SKIC2: variants seen among roughly 807,000 people sequenced by gnomAD.
SKIC2 encodes SKI2 subunit of superkiller complex, also known as superkiller complex protein 2.
At chr6:31,959,222 G>A in the SKIC2 span, 1 of 1,608,844 alleles carries the variant, frequency 6.2e-7, no homozygotes, top group Non-Finnish European at 8.5e-7. Context: ...TTGGTGAGGG[G>A]GAGGGGAGGG....
chr6:31,967,966 C>T, the SKIC2 span: 2 of 1,612,958 alleles, frequency 1.2e-6, no homozygotes, highest in African/African-American at 1.3e-5. The surrounding 1 kb of genome is among the most constrained non-coding windows in gnomAD (Gnocchi z 4.9). Flanking sequence ...GGCCTTGTGA[C>T]CACACCGTGG....
chr6:31,968,572 G>T, the SKIC2 span: 11 of 1,587,372 alleles, frequency 6.9e-6, no homozygotes, highest in Admixed American at 5.0e-5. The surrounding 1 kb of genome is among the most constrained non-coding windows in gnomAD (Gnocchi z 6.1). Context: ...CAAGCTGGGA[G>T]TAGGGGCTTT....
At chr6:31,963,017 GCTA>G in the SKIC2 span, 1 of 1,612,656 alleles carries the variant, frequency 6.2e-7, no homozygotes, top group Admixed American at 1.7e-5. The surrounding 1 kb of genome is among the most constrained non-coding windows in gnomAD (Gnocchi z 5.3). Flanking sequence ...TGCTTATCAT[GCTA>G]CCTGACCACG....
chr6:31,963,087 AT>A, the SKIC2 span: 1 of 1,608,136 alleles, frequency 6.2e-7, no homozygotes, highest in South Asian at 1.1e-5. This position sits in a 1 kb window ranked among gnomAD's most constrained non-coding sequence, Gnocchi z 5.3. Context: ...TGCTGACTGG[AT>A]TGGGTGAGAC....
At chr6:31,960,408 TG>T in the SKIC2 span, 2 of 1,602,084 alleles carry the variant, frequency 1.2e-6, no homozygotes, top group Non-Finnish European at 1.7e-6. Flanking sequence ...TCAGCCTCAT[TG>T]GGGCTCTGAT....
the SKIC2 span, chr6:31,959,273 C>T: frequency 1.2e-6 from 2 of 1,607,982 alleles, no homozygotes; most frequent in African/African-American, 2.7e-5. Context: ...ACTTTGACCC[C>T]TGACTTTTGA....
the SKIC2 span, chr6:31,961,865 C>A: frequency 6.2e-7 from 1 of 1,607,396 alleles, no homozygotes; most frequent in Non-Finnish European, 8.5e-7. Context: ...GGCAGCAAGG[C>A]CCCGCTCCTT....
chr6:31,966,954 G>A, the SKIC2 span: 1 of 1,613,330 alleles, frequency 6.2e-7, no homozygotes. This position sits in a 1 kb window ranked among gnomAD's most constrained non-coding sequence, Gnocchi z 5.9. Context: ...GAGTGTGACA[G>A]ATTGGGCCTG....
the SKIC2 span, chr6:31,968,999 G>A: frequency 8.7e-6 from 14 of 1,612,942 alleles, no homozygotes; most frequent in Non-Finnish European, 1.2e-5. The surrounding 1 kb of genome is among the most constrained non-coding windows in gnomAD (Gnocchi z 6.1). Flanking sequence ...TGAGCACCCT[G>A]CGGCCTGAGG....
chr6:31,968,330 A>G, the SKIC2 span: 1 of 1,612,220 alleles, frequency 6.2e-7, no homozygotes, highest in Non-Finnish European at 8.5e-7. The surrounding 1 kb of genome is among the most constrained non-coding windows in gnomAD (Gnocchi z 6.1). Flanking sequence ...CTCTTCAGGA[A>G]GGATCCTCCC....
the SKIC2 span, chr6:31,962,311 G>A: frequency 9.0e-7 from 1 of 1,105,474 alleles, no homozygotes; most frequent in South Asian, 1.3e-5. This position sits in a 1 kb window ranked among gnomAD's most constrained non-coding sequence, Gnocchi z 5.0. Context: ...AGAATGTAAG[G>A]GCAGTTTGGG....
chr6:31,968,445 T>G, the SKIC2 span: 3 of 1,612,688 alleles, frequency 1.9e-6, no homozygotes, highest in Non-Finnish European at 1.7e-6. The surrounding 1 kb of genome is among the most constrained non-coding windows in gnomAD (Gnocchi z 6.1). Flanking sequence ...AGCTCAAAGA[T>G]ATGTCAGTTG....
chr6:31,966,028 A>T, the SKIC2 span: 2 of 1,528,082 alleles, frequency 1.3e-6, no homozygotes, highest in Non-Finnish European at 1.8e-6. This position sits in a 1 kb window ranked among gnomAD's most constrained non-coding sequence, Gnocchi z 5.9. Context: ...GCGGGCCAGC[A>T]TGCTCGGCAG....
At chr6:31,966,082 C>T in the SKIC2 span, 1 of 1,026,646 alleles carries the variant, frequency 9.7e-7, no homozygotes. The surrounding 1 kb of genome is among the most constrained non-coding windows in gnomAD (Gnocchi z 5.9). Context: ...TTCGATTCTC[C>T]TCTCTTCTTT....
At chr6:31,961,269 CGAG>C in the SKIC2 span, 1 of 1,611,394 alleles carries the variant, frequency 6.2e-7, no homozygotes, top group Non-Finnish European at 8.5e-7. Context: ...GTGGGGGTGA[CGAG>C]GATGAGAATG....
chr6:31,967,770 C>T, the SKIC2 span: 10 of 1,613,032 alleles, frequency 6.2e-6, no homozygotes, highest in Non-Finnish European at 7.6e-6. This position sits in a 1 kb window ranked among gnomAD's most constrained non-coding sequence, Gnocchi z 4.9. Flanking sequence ...TGTGATAAGC[C>T]CTTGTCCCAG....
the SKIC2 span, chr6:31,964,291 G>A: frequency 3.1e-6 from 5 of 1,613,080 alleles, no homozygotes; most frequent in Non-Finnish European, 4.2e-6. The surrounding 1 kb of genome is among the most constrained non-coding windows in gnomAD (Gnocchi z 5.0). Context: ...GCGGCATCCT[G>A]CCCATCCTCA....
chr6:31,963,201 A>G, the SKIC2 span: 1 of 852,716 alleles, frequency 1.2e-6, no homozygotes, highest in Non-Finnish European at 1.8e-6. The surrounding 1 kb of genome is among the most constrained non-coding windows in gnomAD (Gnocchi z 5.3). Context: ...CTTAGGGGTG[A>G]TGCTGGGGAA....
At chr6:31,964,017 A>G in the SKIC2 span, 2 of 1,612,580 alleles carry the variant, frequency 1.2e-6, no homozygotes, top group Non-Finnish European at 1.7e-6. The surrounding 1 kb of genome is among the most constrained non-coding windows in gnomAD (Gnocchi z 5.0). Flanking sequence ...AGCAGGCCTC[A>G]GGCCTCACCT....
Sources: gnomAD v4.1 joint callset for allele counts on GRCh38, gnomAD v4.1.1 for gene constraint, Gnocchi (gnomAD v3.1) non-coding constraint, MANE v1.5 for transcripts, NCBI Gene and HGNC (gene_info 2026-07-23, HGNC 2026-07-21) for gene names.